FSTL4: variants seen among roughly 807,000 people sequenced by gnomAD.
The protein encoded by FSTL4 is follistatin like 4.
Under a neutral mutation model 78.2 loss-of-function variants are expected in FSTL4, and 28 were observed. That is an observed-to-expected ratio of 0.36 (90% CI 0.27 to 0.49). FSTL4 has a LOEUF of 0.49. FSTL4 is among the 20% of genes least tolerant of loss of function. The probability of loss-of-function intolerance (pLI) is 0.98; values close to 1 mark genes in which losing one functional copy is unlikely to be tolerated. For missense variants in FSTL4, 922 were observed against 1,084.9 expected (o/e 0.85, Z 2.11); for synonymous variants, 422 against 440.5 (o/e 0.96, Z 0.53).
chr5:133,352,447 T>C (rs1216002339), intron 4 of FSTL4, among the ~76,000 whole-genome samples: 1 of 151,934 alleles, frequency 6.6e-6, no homozygotes, highest in Non-Finnish European at 1.5e-5. Context: ...TCTCGCTTTG[T>C]CACCCAGACT....
At chr5:133,303,829 T>C (rs1332665283) in intron 6 of FSTL4, among the ~76,000 whole-genome samples, 5 of 152,102 alleles carry the variant, frequency 3.3e-5, no homozygotes, top group Non-Finnish European at 7.4e-5. Context: ...CCAAGGTGGG[T>C]CTTCTCTACA....
chr5:133,486,425 T>C (rs916897645), intron 3 of FSTL4, among the ~76,000 whole-genome samples: 3 of 151,656 alleles, frequency 2.0e-5, no homozygotes, highest in Non-Finnish European at 4.4e-5. Flanking sequence ...GGGGATTGAT[T>C]TCTCTGAGGA....
chr5:133,328,238 A>T (rs1754262633), intron 4 of FSTL4, among the ~76,000 whole-genome samples: 1 of 152,216 alleles, frequency 6.6e-6, no homozygotes, highest in African/African-American at 2.4e-5. Flanking sequence ...GCACCTGAAT[A>T]CGCAGACAAT....
chr5:133,421,380 T>C (rs997636987), intron 3 of FSTL4, among the ~76,000 whole-genome samples: 3 of 152,258 alleles, frequency 2.0e-5, no homozygotes, highest in African/African-American at 7.2e-5. Flanking sequence ...ATTTGCCTTC[T>C]GCAGTGGGTC....
the FSTL4 span, among the ~76,000 whole-genome samples, chr5:133,763,735 T>G: frequency 6.6e-6 from 1 of 152,142 alleles, no homozygotes; most frequent in African/African-American, 2.4e-5. Context: ...AGCTAACCAT[T>G]CTTCAAAAAG....
intron 13 of FSTL4, among the ~76,000 whole-genome samples, chr5:133,216,287 T>TG (rs1167699483): frequency 6.6e-6 from 1 of 152,220 alleles, no homozygotes; most frequent in Non-Finnish European, 1.5e-5. Flanking sequence ...ACCAGATCCC[T>TG]GCTCCATCTT....
chr5:133,787,741 G>C, the FSTL4 span, among the ~76,000 whole-genome samples: 2 of 152,072 alleles, frequency 1.3e-5, no homozygotes, highest in African/African-American at 4.8e-5. Context: ...CAAGTCCACA[G>C]CTCCCTACAC....
chr5:133,283,264 C>CTG lies in FSTL4; in HGVS notation c.727+29388_727+29389dup, dbSNP rs952931759. Among the ~76,000 whole-genome samples, 39 of 139,032 alleles carry CTG rather than the reference C, an allele frequency of 2.8e-4. No homozygotes were observed. The East Asian group carries it at 3.5e-3, about 13-fold the overall frequency. The allele number at this position is 139,032 out of a possible 152,430, so 91.2% of individuals were successfully genotyped here. A position where few individuals can be genotyped will look rare whatever the true frequency, so the allele number is the denominator to read the frequency against. On this transcript the variant is annotated intron_variant, in intron 6 of 15. Transcript: ENST00000265342. The stretch of plus-strand genomic sequence containing the variant: ...CGTGTGTGTGTGTGTGTGTGTGTGT[C>CTG]TGTGTGTGTGTGTGTGGCAGTGTTC...
intron 4 of FSTL4, among the ~76,000 whole-genome samples, chr5:133,366,428 C>T (rs1045216707): frequency 3.3e-5 from 5 of 152,114 alleles, no homozygotes; most frequent in African/African-American, 1.2e-4. Context: ...GCAAGGATAC[C>T]GTCTGACATG....
At chr5:133,291,305 T>C (rs6596118) in intron 6 of FSTL4, among the ~76,000 whole-genome samples, 91,550 of 151,984 alleles carry the variant, frequency 0.6, 28,188 homozygotes, top group East Asian at 0.75. Context: ...TCTGGAGGCG[T>C]GGGTGGGACA....
intron 3 of FSTL4, among the ~76,000 whole-genome samples, chr5:133,485,197 A>C (rs1202093968): frequency 1.3e-5 from 2 of 152,224 alleles, no homozygotes; most frequent in Non-Finnish European, 2.9e-5. Flanking sequence ...CAAAGAGGAC[A>C]CTTCAGCAGC....
chr5:133,820,449 G>A, the FSTL4 span, among the ~76,000 whole-genome samples: 2 of 152,120 alleles, frequency 1.3e-5, no homozygotes, highest in Admixed American at 1.3e-4. Flanking sequence ...TGGGAGGGAA[G>A]CACCCTTGAA....
chr5:133,706,115 G>A, the FSTL4 span, among the ~76,000 whole-genome samples: 122 of 152,290 alleles, frequency 8.0e-4, no homozygotes, highest in African/African-American at 2.8e-3. Flanking sequence ...ATGGAATCAA[G>A]TCTATCCCTG....
chr5:133,683,389 TA>T, the FSTL4 span, among the ~76,000 whole-genome samples: 14,070 of 152,214 alleles, frequency 0.092, 2,185 homozygotes, highest in African/African-American at 0.32. Flanking sequence ...ATAACTCACA[TA>T]ATAAATATAG....
At chr5:133,404,982 C>T (rs1756323639) in intron 3 of FSTL4, among the ~76,000 whole-genome samples, 2 of 152,238 alleles carry the variant, frequency 1.3e-5, no homozygotes, top group African/African-American at 4.8e-5. Context: ...CGAGCTCTTC[C>T]ACTCTTGGAT....
chr5:133,276,323 C>T (rs141148738), intron 6 of FSTL4, among the ~76,000 whole-genome samples: 1 of 152,340 alleles, frequency 6.6e-6, no homozygotes, highest in East Asian at 1.9e-4. Flanking sequence ...GCGTAGGTGG[C>T]TCCTCTGAGC....
At chr5:133,628,654 C>T in the FSTL4 span, among the ~76,000 whole-genome samples, 4 of 151,904 alleles carry the variant, frequency 2.6e-5, no homozygotes, top group Admixed American at 2.6e-4. Context: ...GCTGCCGTGC[C>T]CAGCCACCAG....
chr5:133,689,275 C>T, the FSTL4 span, among the ~76,000 whole-genome samples: 7 of 152,172 alleles, frequency 4.6e-5, no homozygotes, highest in Non-Finnish European at 2.9e-5. Flanking sequence ...CAGATAACTC[C>T]CAGCTAACCA....
intron 3 of FSTL4, among the ~76,000 whole-genome samples, chr5:133,515,547 A>G (rs1758835476): frequency 6.6e-6 from 1 of 152,228 alleles, no homozygotes; most frequent in South Asian, 2.1e-4. Flanking sequence ...AAGAAAGCAT[A>G]AATTCAGAAA....
Sources: gnomAD v4.1 joint callset for allele counts (sites outside exome capture counted in the v4.1 genomes callset) on GRCh38, gnomAD v4.1.1 for gene constraint, MANE v1.5 for transcripts, NCBI Gene and HGNC (gene_info 2026-07-23, HGNC 2026-07-21) for gene names.